BTBD6: variants seen among roughly 807,000 people sequenced by gnomAD.
BTBD6 encodes the protein BTB/POZ domain-containing protein 6.
In BTBD6, 30 loss-of-function variants were observed where a neutral mutation model predicts 40.6. The ratio of observed to expected loss-of-function variants is 0.74; its 90% CI spans 0.55 to 1.00. BTBD6 has a LOEUF of 1.00. Ranked by LOEUF, BTBD6 falls within the 50% of genes least tolerant of loss-of-function variation. The pLI, the probability that BTBD6 is intolerant of heterozygous loss-of-function variation, is 0.00. For synonymous variants in BTBD6, 378 were observed against 308.7 expected (o/e 1.22, Z -2.35); for missense variants, 698 against 694.6 (o/e 1.00, Z -0.06).
Position 105,249,241 on chromosome 14 carries a change from C to T in BTBD6, c.459C>T (p.Ala153=). The stretch of plus-strand genomic sequence containing the variant: ...CGGGGGCGACCAGGACGGTGCCCGC[C>T]CACAAGGTGGGTAGCGGCGGCCCCT... ...GPPGATRTVP[A]HKYVLAVGSS... The change falls in exon 2 of 4, where the codon GCC becomes GCT. Residue 153 remains alanine, a synonymous_variant. Transcript: ENST00000392554. The T allele has an allele frequency of 1.3e-6, 2 of 1,580,290 alleles. No individual in the cohort carries two copies. The highest frequency in any genetic ancestry group is 1.7e-6 in the Non-Finnish European group (2 of 1,168,508).
At position 105,249,141 on chromosome 14, in the gene BTBD6, G is replaced by GC; in HGVS notation, c.375-14dup. The GC allele has an allele frequency of 6.4e-7, 1 of 1,559,348 alleles. No homozygotes were observed. The highest frequency in any genetic ancestry group is 8.6e-7 in the Non-Finnish European group (1 of 1,159,662). On this transcript the variant is annotated splice_polypyrimidine_tract_variant and intron_variant, in intron 1 of 3. Coordinates refer to ENST00000392554, the MANE Select transcript of BTBD6 (RefSeq NM_001387567.1). ...GCGCGCGCCCACGCCCCCAGCCCGT[G>GC]CCTCTACCTTTGCAGGAACGCGCTC...
rs1330777935 is a variant in BTBD6, at chr14:105,249,143, C to T, written c.375-14C>T. ...GCGCGCCCACGCCCCCAGCCCGTGC[C>T]TCTACCTTTGCAGGAACGCGCTCAT... On this transcript the variant is annotated splice_polypyrimidine_tract_variant and intron_variant, in intron 1 of 3. Transcript: ENST00000392554. 1.3e-6 allele frequency: 2 copies of T among 1,561,936 alleles called. No individual in the cohort carries two copies. Among genetic ancestry groups the T allele is most frequent in the South Asian group, 1.2e-5 (1 of 86,652 alleles).
intron 2 of BTBD6, 52 bp downstream of exon 2, chr14:105,249,299 C>T (rs1325082469): frequency 1.3e-6 from 2 of 1,580,456 alleles, no homozygotes; most frequent in Middle Eastern, 1.8e-4. Context: ...CCCCGTCCGC[C>T]GTGTGGCTGA....
At position 105,249,164 on chromosome 14, in the gene BTBD6, C is replaced by T. The variant is rs767595892; in HGVS notation, c.382C>T (p.Leu128Phe). ...GTGCCTCTACCTTTGCAGGAACGCG[C>T]TCATGTTCAACAACGAGCTCATGGC... ...CRPTLRERNALMFNNELMADV... is the reference protein window; with the variant it reads ...CRPTLRERNAFMFNNELMADV... Residue 128 changes from leucine to phenylalanine, a missense_variant, in exon 2 of 4, where the codon CTC becomes TTC. Coordinates refer to ENST00000392554, the MANE Select transcript of BTBD6 (RefSeq NM_001387567.1). The T allele has an allele frequency of 1.8e-5, 29 of 1,580,314 alleles. No individual in the cohort carries two copies. In the South Asian group the frequency reaches 2.7e-4, roughly 15 times the overall value.
chr14:105,248,585 G>GACGGCGCCGCCCGCGGC lies in BTBD6; in HGVS notation c.-127_-126insACGGCGCCGCCCGCGGC, dbSNP rs1267629437. The GACGGCGCCGCCCGCGGC allele has an allele frequency of 1.6e-6, 1 of 609,948 alleles. No individual in the cohort carries two copies. Among genetic ancestry groups the GACGGCGCCGCCCGCGGC allele is most frequent in the African/African-American group, 2.1e-5 (1 of 48,000 alleles). The allele number at this position is 609,948 out of a possible 1,614,324, so 37.8% of individuals were successfully genotyped here. A position where few individuals can be genotyped will look rare whatever the true frequency, so the allele number is the denominator to read the frequency against. On this transcript the variant is annotated 5_prime_UTR_variant, in exon 1 of 4. Coordinates refer to ENST00000392554, the MANE Select transcript of BTBD6 (RefSeq NM_001387567.1). ...GGTACGGGCTCGGGCGGGCGGGCGG[G>GACGGCGCCGCCCGCGGC]CGGGACGGCGCCCCCCGCGGCCGGG...
At position 105,248,605 on chromosome 14, in the gene BTBD6, G is replaced by A; in HGVS notation, c.-107G>A. Reference sequence around the variant, plus strand: ...GGCGGGCGGGACGGCGCCCCCCGCGGCCGGGCCTGGCCGGGCTGCGCTAGG... The same window carrying A: ...GGCGGGCGGGACGGCGCCCCCCGCGACCGGGCCTGGCCGGGCTGCGCTAGG... On this transcript the variant is annotated 5_prime_UTR_variant, in exon 1 of 4. Coordinates refer to ENST00000392554, the MANE Select transcript of BTBD6 (RefSeq NM_001387567.1). 2 of 974,368 alleles carry A rather than the reference G, an allele frequency of 2.1e-6. No homozygotes were observed. Among genetic ancestry groups the A allele is most frequent in the Non-Finnish European group, 2.4e-6 (2 of 822,954 alleles). The allele number at this position is 974,368 out of a possible 1,614,324, so 60.4% of individuals were successfully genotyped here.
rs779036917 is a variant in BTBD6, at chr14:105,249,818, G to A, written c.763G>A (p.Glu255Lys). ...LSQSRLFEEP[E>K]LTQRCWEVID... ...CCAGAGCCGGCTGTTTGAGGAGCCC[G>A]AGCTGACGCAGCGCTGCTGGGAGGT... The change falls in exon 4 of 4, where the codon GAG becomes AAG. Residue 255 changes from glutamate to lysine, a missense_variant. By Grantham distance (56) the Glu-to-Lys change is moderately conservative. Transcript: ENST00000392554. 9 of 1,613,456 alleles carry A rather than the reference G, an allele frequency of 5.6e-6. No homozygotes were observed. The highest frequency in any genetic ancestry group is 7.6e-6 in the Non-Finnish European group (9 of 1,180,052).
Position 105,249,104 on chromosome 14 carries a change from GC to G in BTBD6, c.374+24del, listed in dbSNP as rs2055393126. 1.3e-6 allele frequency: 2 copies of G among 1,492,016 alleles called. No individual in the cohort carries two copies. The highest frequency in any genetic ancestry group is 1.5e-5 in the African/African-American group (1 of 68,558). The allele number at this position is 1,492,016 out of a possible 1,614,324, so 92.4% of individuals were successfully genotyped here. A position where few individuals can be genotyped will look rare whatever the true frequency, so the allele number is the denominator to read the frequency against. ...GCGAGAGGTGAGCCCGTGCCCCGCG[GC>G]CCCCGCGCCCGCGCGCGCCCACGCC... On this transcript the variant is annotated intron_variant, in intron 1 of 3. Transcript: ENST00000392554.
In BTBD6 at chr14:105,249,916, C is replaced by A. The variant is rs1275061152; in HGVS notation, c.861C>A (p.Ile287=). 1.9e-6 allele frequency: 3 copies of A among 1,611,396 alleles called. No homozygotes were observed. The highest frequency in any genetic ancestry group is 1.1e-5 in the South Asian group (1 of 91,078). ...AGATAGACCGGCAGACGCTGGAGAT[C>A]ATTGTCACTCGGGAGGCCCTCAACA... ...FCEIDRQTLE[I]IVTREALNTK... Residue 287 remains isoleucine (I), a synonymous_variant, in exon 4 of 4, where the codon ATC becomes ATA. Coordinates refer to ENST00000392554, the MANE Select transcript of BTBD6 (RefSeq NM_001387567.1).
Position 105,249,016 on chromosome 14 carries a change from C to G in BTBD6, c.305C>G (p.Pro102Arg), listed in dbSNP as rs1408264451. Residue 102 changes from proline (P) to arginine (R), a missense_variant, in exon 1 of 4, where the codon CCG (proline) becomes CGG (arginine). Pro to Arg is a moderately radical substitution (Grantham distance 103). Coordinates refer to ENST00000392554, the MANE Select transcript of BTBD6 (RefSeq NM_001387567.1). ...APAPPPPAPA[P>R]PTLGNNHQES... Reference sequence around the variant, plus strand: ...GCGCCGCCGCCGCCCGCGCCCGCGCCGCCCACACTCGGCAACAACCACCAG... The same window carrying G: ...GCGCCGCCGCCGCCCGCGCCCGCGCGGCCCACACTCGGCAACAACCACCAG... The G allele has an allele frequency of 7.1e-6, 8 of 1,123,966 alleles. No homozygotes were observed. Among genetic ancestry groups the G allele is most frequent in the Non-Finnish European group, 8.7e-6 (8 of 920,856 alleles). 69.6% of individuals were successfully genotyped at this position (1,123,966 alleles called of 1,614,324 possible). A position where few individuals can be genotyped will look rare whatever the true frequency, so the allele number is the denominator to read the frequency against.
Position 105,250,704 on chromosome 14 carries a change from G to A in BTBD6, c.*32G>A, listed in dbSNP as rs1377173201. 1 of 1,579,962 alleles carries A rather than the reference G, an allele frequency of 6.3e-7. No homozygotes were observed. Among genetic ancestry groups the A allele is most frequent in the East Asian group, 2.3e-5 (1 of 44,432 alleles). ...CGGGGAGGCTGCAGCAGGTCAGCGA[G>A]TGAGTGGAGGGGAAGTCAAGATGCT... is the stretch of plus-strand genomic sequence containing the variant. On this transcript the variant is annotated 3_prime_UTR_variant, in exon 4 of 4. Coordinates refer to ENST00000392554, the MANE Select transcript of BTBD6 (RefSeq NM_001387567.1).
At position 105,248,786 on chromosome 14, in the gene BTBD6, G is replaced by C. The variant is rs2055344699; in HGVS notation, c.75G>C (p.Pro25=). The change falls in exon 1 of 4, where the codon CCG becomes CCC. Residue 25 remains proline (P), a synonymous_variant. Coordinates refer to ENST00000392554, the MANE Select transcript of BTBD6 (RefSeq NM_001387567.1). The stretch of plus-strand genomic sequence containing the variant: ...CCTCCTTGCTTTTGCTTGCAGAGCC[G>C]CTCCCGAGGCCCCGGCGCGGCGCGA... ...CLTSLLLLAE[P]LPRPRRGARA... 7 of 982,384 alleles carry C rather than the reference G, an allele frequency of 7.1e-6. No individual in the cohort carries two copies. The highest frequency in any genetic ancestry group is 8.4e-6 in the Non-Finnish European group (7 of 829,474). The allele number at this position is 982,384 out of a possible 1,614,324, so 60.9% of individuals were successfully genotyped here. A position where few individuals can be genotyped will look rare whatever the true frequency, so the allele number is the denominator to read the frequency against.
intron 3 of BTBD6, 35 bp from the exon 4 acceptor site, chr14:105,249,605 G>C: frequency 6.3e-7 from 1 of 1,589,978 alleles, no homozygotes; most frequent in Non-Finnish European, 8.6e-7. Flanking sequence ...GGGTGCTTGG[G>C]AGCCAGCCCC....
Position 105,249,721 on chromosome 14 carries a change from A to G in BTBD6, c.666A>G (p.Pro222=), listed in dbSNP as rs1388011600. The G allele has an allele frequency of 6.2e-7, 1 of 1,613,756 alleles. No homozygotes were observed. Among genetic ancestry groups the G allele is most frequent in the African/African-American group, 1.3e-5 (1 of 74,940 alleles). The change falls in exon 4 of 4, where the codon CCA becomes CCG. Residue 222 remains proline (P), a synonymous_variant. Coordinates refer to ENST00000392554, the MANE Select transcript of BTBD6 (RefSeq NM_001387567.1). Reference sequence around the variant, plus strand: ...ACGCTGCTAAGAAGTACATCGTCCCAGCATTGGCAAAAGCCTGTGTCAACT... The same window carrying G: ...ACGCTGCTAAGAAGTACATCGTCCCGGCATTGGCAAAAGCCTGTGTCAACT... The part of the protein sequence containing the change: ...TLYAAKKYIV[P]ALAKACVNFL...
chr14:105,250,423 C>G lies in BTBD6; in HGVS notation c.1368C>G (p.Thr456=), dbSNP rs1319829359. 1.9e-6 allele frequency: 3 copies of G among 1,613,860 alleles called. No individual in the cohort carries two copies. Among genetic ancestry groups the G allele is most frequent in the Non-Finnish European group, 2.5e-6 (3 of 1,180,044 alleles). The change falls in exon 4 of 4, where the codon ACC becomes ACG. Residue 456 remains threonine (T), a synonymous_variant. Transcript: ENST00000392554. ...GGGTGGTTCTGGCTCAGAACTTGAC[C>G]AAGTTCATGTCAGACGGATCCAGTA... ...RLGVVLAQNL[T]KFMSDGSSNT... is the part of the protein sequence containing the mutation.
At position 105,248,702 on chromosome 14, in the gene BTBD6, G is replaced by T; in HGVS notation, c.-10G>T. ...TGGCAGCCCCGCGGGTCACAGCGCCGCCGCCGCCCATGCTGCTGCCCCTAG... is the reference window on the plus strand; with the variant it reads ...TGGCAGCCCCGCGGGTCACAGCGCCTCCGCCGCCCATGCTGCTGCCCCTAG... On this transcript the variant is annotated 5_prime_UTR_variant, in exon 1 of 4. Coordinates refer to ENST00000392554, the MANE Select transcript of BTBD6 (RefSeq NM_001387567.1). 1 of 982,376 alleles carries T rather than the reference G, an allele frequency of 1.0e-6. No homozygotes were observed. Among genetic ancestry groups the T allele is most frequent in the Non-Finnish European group, 1.2e-6 (1 of 829,306 alleles). The allele number at this position is 982,376 out of a possible 1,614,324, so 60.9% of individuals were successfully genotyped here. A position where few individuals can be genotyped will look rare whatever the true frequency, so the allele number is the denominator to read the frequency against.
rs2055412292 is a variant in BTBD6, at chr14:105,249,256, C to T, written c.465+9C>T. 1.3e-6 allele frequency: 2 copies of T among 1,566,802 alleles called. No homozygotes were observed. Among genetic ancestry groups the T allele is most frequent in the Non-Finnish European group, 8.6e-7 (1 of 1,160,696 alleles). ...CGGTGCCCGCCCACAAGGTGGGTAG[C>T]GGCGGCCCCTCTCGGAACGCGTGCC... On this transcript the variant is annotated intron_variant, in intron 2 of 3. Transcript: ENST00000392554.
In BTBD6 at chr14:105,250,746, C is replaced by A; in HGVS notation, c.*74C>A. On this transcript the variant is annotated 3_prime_UTR_variant, in exon 4 of 4. Coordinates refer to ENST00000392554, the MANE Select transcript of BTBD6 (RefSeq NM_001387567.1). ...CAAGATGCTAACTGCTTCTTGACAC[C>A]ATGAAAGGCTGCTCTTAACTTTGTC... The A allele has an allele frequency of 1.4e-6, 2 of 1,421,992 alleles. No homozygotes were observed. Among genetic ancestry groups the A allele is most frequent in the Non-Finnish European group, 1.9e-6 (2 of 1,041,830 alleles). 88.1% of individuals were successfully genotyped at this position (1,421,992 alleles called of 1,614,324 possible).
At position 105,248,892 on chromosome 14, in the gene BTBD6, C is replaced by T. The variant is rs1595379526; in HGVS notation, c.181C>T (p.Pro61Ser). 2.0e-6 allele frequency: 2 copies of T among 988,548 alleles called. No individual in the cohort carries two copies. The highest frequency in any genetic ancestry group is 5.1e-4 in the Middle Eastern group (1 of 1,950). The allele number at this position is 988,548 out of a possible 1,614,324, so 61.2% of individuals were successfully genotyped here. ...GAAGATGGCGGCGGAACTCTACGCT[C>T]CCGCCAGCGCCGCGGCCGCGGACCT... Reference protein sequence around the residue: ...PAKMAAELYAPASAAAADLAN... With the variant: ...PAKMAAELYASASAAAADLAN... The change falls in exon 1 of 4, where the codon CCC becomes TCC. Residue 61 changes from proline (P) to serine (S), a missense_variant. Coordinates refer to ENST00000392554, the MANE Select transcript of BTBD6 (RefSeq NM_001387567.1).
Sources: allele counts gnomAD v4.1 joint callset, GRCh38; gene constraint gnomAD v4.1.1; transcripts MANE v1.5; gene names NCBI Gene and HGNC (gene_info 2026-07-23, HGNC 2026-07-21).